COL25A1: variants seen among roughly 807,000 people sequenced by gnomAD.
COL25A1 encodes the protein collagen type XXV alpha 1 chain.
In COL25A1, 103 loss-of-function variants were observed where a neutral mutation model predicts 128.4. The ratio of observed to expected loss-of-function variants is 0.80; its 90% confidence interval spans 0.68 to 0.94. COL25A1 has a LOEUF of 0.94. Among genes scored for constraint, COL25A1 ranks in the 40% least tolerant of loss-of-function variants. The pLI, the probability that COL25A1 is intolerant of heterozygous loss-of-function variation, is 0.00. For missense variants in COL25A1, 745 were observed against 840.0 expected, an observed-to-expected ratio of 0.89 and a Z score of 1.40; for synonymous variants, 279 against 277.2, an observed-to-expected ratio of 1.01 and a Z score of -0.06.
At chr4:109,129,768 T>C (rs955278903) in intron 3 of COL25A1, among the ~76,000 whole-genome samples, 5 of 152,176 alleles carry the variant, frequency 3.3e-5, no homozygotes, top group Non-Finnish European at 4.4e-5. Flanking sequence ...TGGACTGTCA[T>C]AGTAAACTAA....
intron 3 of COL25A1, among the ~76,000 whole-genome samples, chr4:109,144,487 T>G (rs1339524758): frequency 6.6e-6 from 1 of 152,202 alleles, no homozygotes; most frequent in East Asian, 1.9e-4. Flanking sequence ...CTGCTGAAGT[T>G]GCGCCCACAG....
intron 3 of COL25A1, among the ~76,000 whole-genome samples, chr4:109,253,869 C>T (rs546366871): frequency 2.6e-5 from 4 of 152,130 alleles, no homozygotes; most frequent in Admixed American, 2.0e-4. Context: ...GGGCGGATCA[C>T]GAGGTCAGGA....
intron 8 of COL25A1, among the ~76,000 whole-genome samples, chr4:108,944,696 C>CAA (rs34005319): frequency 0.041 from 5,813 of 143,306 alleles, 321 homozygotes; most frequent in African/African-American, 0.14. Flanking sequence ...AAAATGCTCA[C>CAA]AAAAAAAAAA....
chr4:109,295,401 T>G (rs1724878550), intron 3 of COL25A1, among the ~76,000 whole-genome samples: 1 of 152,124 alleles, frequency 6.6e-6, no homozygotes, highest in African/African-American at 2.4e-5. Flanking sequence ...TTGTATTGTT[T>G]GGCCTTATAA....
intron 3 of COL25A1, among the ~76,000 whole-genome samples, chr4:109,137,064 C>T: frequency 6.6e-6 from 1 of 152,270 alleles, no homozygotes; most frequent in East Asian, 1.9e-4. Flanking sequence ...GACACCTGAC[C>T]CACAGAAACT....
intron 3 of COL25A1, among the ~76,000 whole-genome samples, chr4:109,265,720 T>G (rs967305561): frequency 7.2e-5 from 11 of 152,154 alleles, no homozygotes; most frequent in Admixed American, 1.3e-4. Context: ...CCTTCCTAAA[T>G]GTTACTTTCA....
chr4:108,947,006 T>C (rs1748838430), intron 8 of COL25A1, among the ~76,000 whole-genome samples: 1 of 151,958 alleles, frequency 6.6e-6, no homozygotes, highest in Admixed American at 6.6e-5. Context: ...GCTTGGACAA[T>C]GGAAGGATAG....
rs1374161438 is a variant in COL25A1 at position 109,301,959 on chromosome 4, T to A, written c.61A>T (p.Thr21Ser). The A allele has an allele frequency of 1.9e-6, 3 of 1,611,804 alleles. No homozygotes were observed. The highest frequency in any genetic ancestry group is 1.1e-5 in the South Asian group (1 of 91,042). Reference sequence around the variant, plus strand: ...CGGGCACAATGCTGTTCGGCAGGGGTCGGGTCCTCGGATCTGGGCTCCCGG... The same window carrying A: ...CGGGCACAATGCTGTTCGGCAGGGGACGGGTCCTCGGATCTGGGCTCCCGG... ...GGREPRSEDPTPAEQHCARTM... is the reference protein window; with the variant it reads ...GGREPRSEDPSPAEQHCARTM... The change falls in exon 2 of 38, where the codon ACC (threonine) becomes TCC (serine). Residue 21 changes from threonine to serine, a missense_variant. Thr to Ser is a moderately conservative substitution (Grantham distance 58). This residue lies in a region of COL25A1 where 319 missense variants were observed against 324.9 expected (regional missense o/e 0.98). Transcript: ENST00000399132.
In COL25A1 at chr4:108,835,861, C is replaced by CT. The variant is rs1158184110; in HGVS notation, c.1657-3429dup. ...GCCACAGTGCCCGGCTTACATACGT[C>CT]TTTTTTTTTTTTTTTTTTTTTTTTT... On this transcript the variant is annotated intron_variant, in intron 31 of 37. Coordinates refer to ENST00000399132, the MANE Select transcript of COL25A1 (RefSeq NM_198721.4). Among the ~76,000 whole-genome samples the CT allele has an allele frequency of 7.2e-3, 327 of 45,718 alleles. 41 individuals carry two copies. The highest frequency in any genetic ancestry group is 0.029 in the African/African-American group (300 of 10,310). 30.0% of individuals were successfully genotyped at this position (45,718 alleles called of 152,430 possible). A position where few individuals can be genotyped will look rare whatever the true frequency, so the allele number is the denominator to read the frequency against.
intron 3 of COL25A1, among the ~76,000 whole-genome samples, chr4:109,112,173 T>G (rs546290627): frequency 4.9e-4 from 74 of 152,170 alleles, no homozygotes; most frequent in Non-Finnish European, 9.3e-4. Context: ...ATGTTCATTT[T>G]CCTATCAATA....
At chr4:108,982,959 A>T (rs893057437) in intron 6 of COL25A1, among the ~76,000 whole-genome samples, 1 of 152,206 alleles carries the variant, frequency 6.6e-6, no homozygotes, top group African/African-American at 2.4e-5. Flanking sequence ...ACCAAACATT[A>T]AAAAAGGACT....
intron 3 of COL25A1, among the ~76,000 whole-genome samples, chr4:109,237,023 T>C (rs1266545214): frequency 6.6e-6 from 1 of 152,030 alleles, no homozygotes; most frequent in Non-Finnish European, 1.5e-5. Context: ...GCATGTAAAA[T>C]TAAAATCTGA....
At chr4:108,873,597 G>A (rs1023065253) in intron 19 of COL25A1, among the ~76,000 whole-genome samples, 2 of 151,714 alleles carry the variant, frequency 1.3e-5, no homozygotes, top group African/African-American at 4.8e-5. Flanking sequence ...AGTAGTAGTA[G>A]TGTTACAACA....
intron 3 of COL25A1, among the ~76,000 whole-genome samples, chr4:109,067,562 G>T (rs72670336): frequency 0.079 from 11,985 of 152,178 alleles, 811 homozygotes; most frequent in Admixed American, 0.23. Flanking sequence ...ATCGTGTTGG[G>T]GAACATTTAG....
At chr4:109,029,770 A>G (rs1758657519) in intron 5 of COL25A1, among the ~76,000 whole-genome samples, 1 of 152,182 alleles carries the variant, frequency 6.6e-6, no homozygotes, top group South Asian at 2.1e-4. Context: ...TTTATTCAAT[A>G]AGAACTCAAA....
At chr4:109,006,014 G>A (rs1335761106) in intron 6 of COL25A1, among the ~76,000 whole-genome samples, 1 of 151,854 alleles carries the variant, frequency 6.6e-6, no homozygotes, top group Non-Finnish European at 1.5e-5. Context: ...AAAAAAGTAG[G>A]TATCATTTTG....
chr4:108,998,669 C>T (rs545649071), intron 6 of COL25A1, among the ~76,000 whole-genome samples: 26 of 152,252 alleles, frequency 1.7e-4, no homozygotes, highest in Admixed American at 4.6e-4. Context: ...CAATCCTAAG[C>T]AAAAAGAACA....
At chr4:109,247,326 G>A (rs1419468816) in intron 3 of COL25A1, among the ~76,000 whole-genome samples, 1 of 152,102 alleles carries the variant, frequency 6.6e-6, no homozygotes, top group Non-Finnish European at 1.5e-5. Flanking sequence ...CTCCAGCCTG[G>A]GCGACAGAGC....
Position 108,955,464 on chromosome 4 carries a change from C to G in COL25A1, c.493-14027G>C, listed in dbSNP as rs530252801. ...TATCCAATTTGTGAATTACTAAGGG[C>G]CTAATAATTCACAAATTGCAGAGTG... On this transcript the variant is annotated intron_variant, in intron 8 of 37. Transcript: ENST00000399132. Among the ~76,000 whole-genome samples, 15 of 152,162 alleles carry G rather than the reference C, an allele frequency of 9.9e-5. No individual in the cohort carries two copies. In the South Asian group the frequency reaches 3.1e-3, roughly 32 times the overall value.
Sources: gnomAD v4.1 joint callset for allele counts (sites outside exome capture counted in the v4.1 genomes callset) on GRCh38, gnomAD v4.1.1 for gene constraint, gnomAD v4.1.1 regional missense constraint, MANE v1.5 for transcripts, NCBI Gene and HGNC (gene_info 2026-07-23, HGNC 2026-07-21) for gene names.